LSAMP: variants seen among roughly 807,000 people sequenced by gnomAD.
LSAMP encodes limbic system-associated membrane protein.
A neutral mutation model predicts 38.6 loss-of-function variants in LSAMP; 7 were observed. The ratio of observed to expected loss-of-function variants is 0.18; its 90% CI spans 0.10 to 0.34. LSAMP has a LOEUF of 0.34. LSAMP is among the 10% of genes least tolerant of loss of function. The probability of loss-of-function intolerance (pLI) is 1.00; values close to 1 mark genes in which losing one functional copy is unlikely to be tolerated. For missense variants in LSAMP, 313 were observed against 420.0 expected (o/e 0.75, Z 2.23); for synonymous variants, 154 against 166.8 (o/e 0.92, Z 0.59).
At chr3:116,032,911 T>TA (rs1380342240) in intron 2 of LSAMP, among the ~76,000 whole-genome samples, 1 of 152,108 alleles carries the variant, frequency 6.6e-6, no homozygotes, top group African/African-American at 2.4e-5. Context: ...CAACTAGAGA[T>TA]AAGAAAGTCT....
chr3:116,162,891 C>T (rs1481585768), intron 1 of LSAMP, among the ~76,000 whole-genome samples: 1 of 151,866 alleles, frequency 6.6e-6, no homozygotes, highest in Non-Finnish European at 1.5e-5. Context: ...GCTTTGTTCT[C>T]CCTCTCAAGG....
rs115607442 is a variant in LSAMP, at chr3:115,872,772, G to C, written c.515-20155C>G. Among the ~76,000 whole-genome samples the C allele has an allele frequency of 9.9e-3, 1,507 of 152,228 alleles. 27 individuals are homozygous for C. The highest frequency in any genetic ancestry group is 0.034 in the African/African-American group (1,396 of 41,544). ...TAATCCCTGAACAAATGAGGTAGCTGAGGCTCATAGCTGTTAAGTATCTGG... is the reference window on the plus strand; with the variant it reads ...TAATCCCTGAACAAATGAGGTAGCTCAGGCTCATAGCTGTTAAGTATCTGG... On this transcript the variant is annotated intron_variant, in intron 3 of 6. Coordinates refer to ENST00000490035, the MANE Select transcript of LSAMP (RefSeq NM_002338.5).
chr3:116,257,744 T>A (rs1415955884), intron 1 of LSAMP, among the ~76,000 whole-genome samples: 3 of 152,176 alleles, frequency 2.0e-5, no homozygotes, highest in Non-Finnish European at 4.4e-5. Flanking sequence ...TTTATTCCTG[T>A]AACCTCATTA....
intron 1 of LSAMP, among the ~76,000 whole-genome samples, chr3:116,176,825 A>C (rs1283654280): frequency 6.6e-6 from 1 of 152,174 alleles, no homozygotes; most frequent in Non-Finnish European, 1.5e-5. Flanking sequence ...TGACTTTCAA[A>C]TGGCATGAGC....
chr3:115,880,224 A>G (rs1169352492), intron 3 of LSAMP, among the ~76,000 whole-genome samples: 1 of 151,900 alleles, frequency 6.6e-6, no homozygotes, highest in African/African-American at 2.4e-5. Flanking sequence ...GACTAATAAA[A>G]CTCTCTCCTG....
chr3:116,003,273 G>A (rs1420690975), intron 3 of LSAMP, among the ~76,000 whole-genome samples: 1 of 152,096 alleles, frequency 6.6e-6, no homozygotes, highest in Admixed American at 6.5e-5. Context: ...TTTACATTGC[G>A]TTACGTATTT....
chr3:116,200,533 G>C (rs182025769), intron 1 of LSAMP, among the ~76,000 whole-genome samples: 1 of 152,062 alleles, frequency 6.6e-6, no homozygotes, highest in African/African-American at 2.4e-5. Context: ...CTTCTCTCTA[G>C]CTTCGAGACA....
At chr3:115,882,023 G>T (rs1576181050) in intron 3 of LSAMP, among the ~76,000 whole-genome samples, 1 of 152,200 alleles carries the variant, frequency 6.6e-6, no homozygotes, top group East Asian at 1.9e-4. Flanking sequence ...ACTGTTTCAA[G>T]GTTTAAAAAG....
In LSAMP at chr3:116,324,153, G is replaced by T. The variant is rs144798007; in HGVS notation, c.155+120724C>A. On this transcript the variant is annotated intron_variant, in intron 1 of 6. Coordinates refer to ENST00000490035, the MANE Select transcript of LSAMP (RefSeq NM_002338.5). ...TCTTGTTGGAAATTACTATTGGAAA[G>T]TAAATTGTAATTGATAATGCTTCTT... Among the ~76,000 whole-genome samples, 93 of 152,278 alleles carry T rather than the reference G, an allele frequency of 6.1e-4. 2 individuals are homozygous for T. The South Asian group carries it at 0.015, about 24-fold the overall frequency.
At chr3:116,053,399 C>A (rs73139180) in intron 2 of LSAMP, among the ~76,000 whole-genome samples, 1 of 151,964 alleles carries the variant, frequency 6.6e-6, no homozygotes, top group Non-Finnish European at 1.5e-5. Flanking sequence ...TATAGGCAAC[C>A]ATGGCACAAT....
chr3:116,263,927 G>A (rs147623253), intron 1 of LSAMP, among the ~76,000 whole-genome samples: 17 of 152,244 alleles, frequency 1.1e-4, no homozygotes, highest in African/African-American at 3.9e-4. Flanking sequence ...AGGTACACTC[G>A]TAACTGCTTA....
intron 2 of LSAMP, among the ~76,000 whole-genome samples, chr3:116,056,591 C>T (rs1365093652): frequency 6.6e-6 from 1 of 152,126 alleles, no homozygotes; most frequent in Non-Finnish European, 1.5e-5. Flanking sequence ...TTCTAATTAA[C>T]TCTCTGAGCA....
In LSAMP at chr3:116,055,882, C is replaced by A. The variant is rs989961258; in HGVS notation, c.388+30442G>T. Among the ~76,000 whole-genome samples, 16 of 152,192 alleles carry A rather than the reference C, an allele frequency of 1.1e-4. 1 individual carries two copies. In the South Asian group the frequency reaches 3.3e-3, roughly 32 times the overall value. ...GGTTCTAAAATTCTGCCTGTTCCTACATCATCACTATTTTCAAAGAGTTTG... is the reference window on the plus strand; with the variant it reads ...GGTTCTAAAATTCTGCCTGTTCCTAAATCATCACTATTTTCAAAGAGTTTG... On this transcript the variant is annotated intron_variant, in intron 2 of 6. Transcript: ENST00000490035.
intron 2 of LSAMP, among the ~76,000 whole-genome samples, chr3:116,056,364 TATA>T (rs1377392175): frequency 7.2e-5 from 11 of 152,142 alleles, no homozygotes; most frequent in African/African-American, 2.7e-4. Flanking sequence ...TGTGATCAAA[TATA>T]AATGTTGAAC....
chr3:115,934,145 T>C (rs1937627080), intron 3 of LSAMP, among the ~76,000 whole-genome samples: 1 of 151,336 alleles, frequency 6.6e-6, no homozygotes, highest in African/African-American at 2.4e-5. Flanking sequence ...GTATAGTTGA[T>C]GTGGTGTTTT....
In LSAMP at chr3:116,222,720, C is replaced by CTTTTTTTT. The variant is rs71141863; in HGVS notation, c.156-136172_156-136165dup. ...TTTTTTGCTCACCTTTCATCCTCTC[C>CTTTTTTTT]TTTTTTTTTTTTTTTTTTTTTTTTT... On this transcript the variant is annotated intron_variant, in intron 1 of 6. Coordinates refer to ENST00000490035, the MANE Select transcript of LSAMP (RefSeq NM_002338.5). Among the ~76,000 whole-genome samples, 22 of 49,942 alleles carry CTTTTTTTT rather than the reference C, an allele frequency of 4.4e-4. 4 individuals are homozygous for CTTTTTTTT. Among genetic ancestry groups the CTTTTTTTT allele is most frequent in the African/African-American group, 1.4e-3 (16 of 11,542 alleles). 32.8% of individuals were successfully genotyped at this position (49,942 alleles called of 152,430 possible).
At chr3:116,106,221 T>C (rs1037079208) in intron 1 of LSAMP, among the ~76,000 whole-genome samples, 12 of 152,106 alleles carry the variant, frequency 7.9e-5, no homozygotes, top group African/African-American at 2.9e-4. Context: ...AGAGTAGCAG[T>C]TTGGGGATAG....
rs1935030287 is a variant in LSAMP, at chr3:115,842,512, CA to C, written c.715del (p.Cys239ValfsTer20). Reference protein sequence around the residue: ...ATTGRQASLKCEASAVPAPDF... With the variant: ...ATTGRQASLKXEASAVPAPDF... ...AGGTGCAGGCACTGCCGAGGCCTCACATTTGAGTGAAGCTTGTCGTCCTGTG... is the reference window on the plus strand; with the variant it reads ...AGGTGCAGGCACTGCCGAGGCCTCACTTTGAGTGAAGCTTGTCGTCCTGTG... On this transcript the variant is annotated frameshift_variant, in exon 5 of 7. Coordinates refer to ENST00000490035, the MANE Select transcript of LSAMP (RefSeq NM_002338.5). LOFTEE classifies it high-confidence loss of function. 1 of 1,613,880 alleles carries C rather than the reference CA, an allele frequency of 6.2e-7. No individual in the cohort carries two copies.
intron 3 of LSAMP, among the ~76,000 whole-genome samples, chr3:115,926,969 G>A (rs768850025): frequency 6.6e-6 from 1 of 151,932 alleles, no homozygotes; most frequent in South Asian, 2.1e-4. Flanking sequence ...CTTATTCTTC[G>A]CTGCATATTC....
Sources: gnomAD v4.1 joint callset for allele counts (sites outside exome capture counted in the v4.1 genomes callset) on GRCh38, gnomAD v4.1.1 for gene constraint, MANE v1.5 for transcripts, NCBI Gene and HGNC (gene_info 2026-07-23, HGNC 2026-07-21) for gene names.